Variants in RSRC2 observed in about 807,000 individuals in gnomAD.
RSRC2 encodes arginine/serine-rich coiled-coil protein 2.
A neutral mutation model predicts 61.3 loss-of-function variants in RSRC2; 5 were observed. That is an observed-to-expected ratio of 0.08 (90% CI 0.04 to 0.17). RSRC2 has a LOEUF of 0.17. Ranked by LOEUF, RSRC2 falls within the 10% of genes least tolerant of loss-of-function variation. RSRC2 has a pLI of 1.00. For synonymous variants in RSRC2, 202 were observed against 166.5 expected (o/e 1.21, Z -1.64); for missense variants, 381 against 518.8 (o/e 0.73, Z 2.58).
At chr12:122,520,808 G>T in intron 3 of RSRC2, 1 of 314,880 alleles carries the variant, frequency 3.2e-6, no homozygotes, top group South Asian at 2.6e-5. Context: ...TGTCTTCTCA[G>T]GTGGGTGAAC....
At chr12:122,508,171 TTAC>T (rs768292450) in intron 8 of RSRC2, 44 bp downstream of exon 8, 4 of 1,535,440 alleles carry the variant, frequency 2.6e-6, no homozygotes, top group Non-Finnish European at 2.7e-6. Flanking sequence ...TTCTAAGCAA[TTAC>T]TAATTAGGAA....
At chr12:122,510,618 A>G (rs1386730790) in intron 7 of RSRC2, among the ~76,000 whole-genome samples, 1 of 152,220 alleles carries the variant, frequency 6.6e-6, no homozygotes, top group Admixed American at 6.5e-5. Context: ...CACATGGACC[A>G]CATCAGAAAC....
intron 4 of RSRC2, 152 bp downstream of exon 4, chr12:122,518,687 A>T: frequency 1.5e-6 from 1 of 686,602 alleles, no homozygotes; most frequent in Non-Finnish European, 2.5e-6. Flanking sequence ...TGAGAAAGCA[A>T]AGCCCAAAGG....
chr12:122,505,779 T>A, intron 9 of RSRC2, 73 bp from the exon 10 acceptor site: 2 of 1,368,368 alleles, frequency 1.5e-6, no homozygotes, highest in Non-Finnish European at 2.0e-6. Context: ...CACTATTTTT[T>A]ATGTATTTTT....
At position 122,503,457 on chromosome 12, in the gene RSRC2, A is replaced by G. The variant is rs1957986964; in HGVS notation, c.*2070T>C. On this transcript the variant is annotated 3_prime_UTR_variant, in exon 10 of 10. Transcript: ENST00000331738. ...GGGAAGATCACTTGGACCAATATAC[A>G]TATACACACATATTTTATTGGACAG... The G allele has an allele frequency of 6.6e-6, 1 of 152,206 alleles. No individual in the cohort carries two copies. The highest frequency in any genetic ancestry group is 1.5e-5 in the Non-Finnish European group (1 of 68,042). The allele number at this position is 152,206 out of a possible 1,614,324, so 9.4% of individuals were successfully genotyped here. A position where few individuals can be genotyped will look rare whatever the true frequency, so the allele number is the denominator to read the frequency against.
chr12:122,519,523 G>C (rs907969982), intron 3 of RSRC2: 1 of 156,976 alleles, frequency 6.4e-6, no homozygotes, highest in Non-Finnish European at 1.4e-5. Context: ...CAGAGATGCA[G>C]TGTCCCTTTT....
rs1370384541 is a variant in RSRC2 at position 122,504,445 on chromosome 12, TG to T, written c.*1081del. On this transcript the variant is annotated 3_prime_UTR_variant, in exon 10 of 10. Transcript: ENST00000331738. ...GAGTTCAGGACCAGCCTGGCCAACA[TG>T]GTAAAACCCCACCTCTACTAAAAAT... 1 of 152,112 alleles carries T rather than the reference TG, an allele frequency of 6.6e-6. No homozygotes were observed. Among genetic ancestry groups the T allele is most frequent in the East Asian group, 1.9e-4 (1 of 5,192 alleles). 9.4% of individuals were successfully genotyped at this position (152,112 alleles called of 1,614,324 possible).
chr12:122,524,250 C>CT (rs942620178), intron 1 of RSRC2, among the ~76,000 whole-genome samples: 33 of 149,916 alleles, frequency 2.2e-4, no homozygotes, highest in East Asian at 1.4e-3. Flanking sequence ...ATTCTGGACA[C>CT]TTTTTTTTTT....
Position 122,514,917 on chromosome 12 carries a change from T to C in RSRC2, c.725+188A>G, listed in dbSNP as rs1414081703. On this transcript the variant is annotated intron_variant, in intron 6 of 9. Transcript: ENST00000331738. Reference sequence around the variant, plus strand: ...GGAAAAAACAGAAATTGTAGACATCTCAATCTTATAGTTGTGCAAATGTTT... The same window carrying C: ...GGAAAAAACAGAAATTGTAGACATCCCAATCTTATAGTTGTGCAAATGTTT... 9 of 726,084 alleles carry C rather than the reference T, an allele frequency of 1.2e-5. No individual in the cohort carries two copies. In the East Asian group the frequency reaches 2.4e-4, roughly 19 times the overall value. 45.0% of individuals were successfully genotyped at this position (726,084 alleles called of 1,614,324 possible).
chr12:122,526,721 CAGA>C (rs374846759), intron 1 of RSRC2, 124 bp downstream of exon 1: 169 of 1,096,278 alleles, frequency 1.5e-4, no homozygotes, highest in African/African-American at 1.5e-3. Flanking sequence ...ATGGCGGGCG[CAGA>C]AGAAGGCCGC....
intron 1 of RSRC2, among the ~76,000 whole-genome samples, chr12:122,524,758 A>G (rs996964585): frequency 6.6e-6 from 1 of 152,254 alleles, no homozygotes; most frequent in Non-Finnish European, 1.5e-5. Flanking sequence ...ACAGGTATCC[A>G]GGAAAAAAAC....
At position 122,522,130 on chromosome 12, in the gene RSRC2, T is replaced by C. The variant is rs1242913457; in HGVS notation, c.163+13A>G. On this transcript the variant is annotated intron_variant, in intron 2 of 9. Transcript: ENST00000331738. ...AAATGCTGAGAGTTGTAACCACCTT[T>C]AAGAATTCATACCTGACTTTCGTTT... 8.1e-6 allele frequency: 13 copies of C among 1,606,446 alleles called. No individual in the cohort carries two copies. Among genetic ancestry groups the C allele is most frequent in the Non-Finnish European group, 1.0e-5 (12 of 1,177,234 alleles).
In RSRC2 at chr12:122,508,206, AAG is replaced by A. The variant is rs1334701474; in HGVS notation, c.1035+10_1035+11del. On this transcript the variant is annotated intron_variant, in intron 8 of 9. Coordinates refer to ENST00000331738, the MANE Select transcript of RSRC2 (RefSeq NM_023012.6). ...GGAATAAACGACAGAAAAGCAGAATAAGAGAACTTACCCCTTCTTTCTTGCCC... is the reference window on the plus strand; with the variant it reads ...GGAATAAACGACAGAAAAGCAGAATAAGAACTTACCCCTTCTTTCTTGCCC... 3 of 1,603,246 alleles carry A rather than the reference AAG, an allele frequency of 1.9e-6. No homozygotes were observed. The highest frequency in any genetic ancestry group is 2.6e-6 in the Non-Finnish European group (3 of 1,170,168).
intron 7 of RSRC2, among the ~76,000 whole-genome samples, chr12:122,509,960 T>C (rs191673031): frequency 1.3e-3 from 195 of 152,248 alleles, no homozygotes; most frequent in African/African-American, 4.6e-3. Context: ...TAGCTGGGAC[T>C]ATAGGCACAC....
At chr12:122,510,745 C>T (rs1958444292) in intron 7 of RSRC2, among the ~76,000 whole-genome samples, 1 of 151,916 alleles carries the variant, frequency 6.6e-6, no homozygotes, top group Non-Finnish European at 1.5e-5. Flanking sequence ...AATTTTTCTA[C>T]AAAAAGCATG....
rs1192414191 is a variant in RSRC2 at position 122,518,998 on chromosome 12, G to C, written c.239C>G (p.Ser80Cys). 1 of 1,613,692 alleles carries C rather than the reference G, an allele frequency of 6.2e-7. No homozygotes were observed. Among genetic ancestry groups the C allele is most frequent in the Non-Finnish European group, 8.5e-7 (1 of 1,179,868 alleles). ...ATGTTCCTCAGACTTATGTTTCTTA[G>C]AGGATTTATCTTTGGATTCATGTCT... ...GRRHESKDKSSKKHKSEEHND... is the reference protein window; with the variant it reads ...GRRHESKDKSCKKHKSEEHND... Residue 80 changes from serine to cysteine, a missense_variant, in exon 4 of 10, where the codon TCT becomes TGT. Around this residue, in one of 4 missense-constraint regions of RSRC2, gnomAD observed 266 missense variants for 270.5 expected, o/e 0.98. Transcript: ENST00000331738.
chr12:122,525,128 C>T (rs767300623), intron 1 of RSRC2, among the ~76,000 whole-genome samples: 8 of 152,136 alleles, frequency 5.3e-5, no homozygotes, highest in Non-Finnish European at 1.2e-4. Context: ...AATCCCAGCA[C>T]TTTGGGAGGC....
chr12:122,514,866 A>G (rs1363721543), intron 6 of RSRC2: 1 of 692,318 alleles, frequency 1.4e-6, no homozygotes, highest in Non-Finnish European at 2.1e-6. Context: ...TAAATTTGAG[A>G]AAAATGAAAT....
At chr12:122,506,973 A>G (rs763172258) in intron 8 of RSRC2, 50 bp from the exon 9 acceptor site, 1 of 1,039,092 alleles carries the variant, frequency 9.6e-7, no homozygotes, top group Non-Finnish European at 1.5e-6. Context: ...AATATTTTTT[A>G]GGACATGAAA....
Sources: allele counts gnomAD v4.1 joint callset (sites outside exome capture counted in the v4.1 genomes callset), GRCh38; gene constraint gnomAD v4.1.1; regional missense constraint gnomAD v4.1.1; transcripts MANE v1.5; gene names NCBI Gene and HGNC (gene_info 2026-07-23, HGNC 2026-07-21).